Variants in NKAIN3 observed in about 807,000 individuals in gnomAD.
NKAIN3 encodes sodium/potassium transporting ATPase interacting 3.
NKAIN3 carries 25 observed loss-of-function variants against 30.2 expected under a neutral mutation model. The observed-to-expected ratio is 0.83, with a 90% CI of 0.60 to 1.16. The LOEUF (loss-of-function observed/expected upper bound fraction) is 1.16. Ranked by LOEUF, NKAIN3 falls within the 50% of genes most tolerant of loss-of-function variation. The pLI is 0.00. For synonymous variants in NKAIN3, 91 were observed against 89.6 expected (o/e 1.02, Z -0.09); for missense variants, 225 against 254.1 (o/e 0.89, Z 0.78).
At chr8:62,703,439 C>T (rs1428868684) in intron 3 of NKAIN3, among the ~76,000 whole-genome samples, 2 of 152,170 alleles carry the variant, frequency 1.3e-5, no homozygotes, top group Non-Finnish European at 2.9e-5. Context: ...CAACTCCCCA[C>T]AAATTGCCTA....
rs528625385 is a variant in NKAIN3, at chr8:62,339,833, TAAAG to T, written c.54+90710_54+90713del. Among the ~76,000 whole-genome samples the T allele has an allele frequency of 1.8e-3, 278 of 152,066 alleles. 1 individual carries two copies. The highest frequency in any genetic ancestry group is 6.5e-3 in the African/African-American group (268 of 41,538). ...AATGTAAGAACGGTGGGCTGATTGT[TAAAG>T]AAAAAAAATCTAACATTTGCTGAAA... On this transcript the variant is annotated intron_variant, in intron 1 of 6. Coordinates refer to ENST00000623646, the MANE Select transcript of NKAIN3 (RefSeq NM_001304533.3).
At chr8:62,930,325 C>T (rs1822580194) in intron 5 of NKAIN3, among the ~76,000 whole-genome samples, 1 of 152,122 alleles carries the variant, frequency 6.6e-6, no homozygotes, top group South Asian at 2.1e-4. Flanking sequence ...GCGATCTTAG[C>T]TCACTGCAAC....
chr8:62,998,447 G>T lies in NKAIN3; in HGVS notation c.533-784G>T, dbSNP rs944106056. On this transcript the variant is annotated intron_variant, in intron 5 of 5. Coordinates refer to the NKAIN3 transcript ENST00000519049. Reference sequence around the variant, plus strand: ...TTCACCACCACACCAGCTAATTTTTGTATTTTTAGTAGAGACGGGGTTTCA... The same window carrying T: ...TTCACCACCACACCAGCTAATTTTTTTATTTTTAGTAGAGACGGGGTTTCA... 3.3e-5 allele frequency among the ~76,000 whole-genome samples: 5 copies of T among 152,038 alleles called. No individual in the cohort carries two copies. In the South Asian group the frequency reaches 8.3e-4, roughly 25 times the overall value.
chr8:62,536,738 T>A (rs557293894), intron 1 of NKAIN3, among the ~76,000 whole-genome samples: 1 of 152,302 alleles, frequency 6.6e-6, no homozygotes, highest in African/African-American at 2.4e-5. Flanking sequence ...CAGTTAGAGT[T>A]CAGATGGGTT....
intron 1 of NKAIN3, among the ~76,000 whole-genome samples, chr8:62,259,516 A>G (rs1182595880): frequency 2.0e-5 from 3 of 152,222 alleles, no homozygotes; most frequent in African/African-American, 4.8e-5. Flanking sequence ...TACTTCATCA[A>G]TGATTAGTAT....
intron 3 of NKAIN3, among the ~76,000 whole-genome samples, chr8:62,657,889 C>T (rs999542743): frequency 6.6e-6 from 1 of 152,194 alleles, no homozygotes; most frequent in African/African-American, 2.4e-5. Flanking sequence ...AACTACCTGT[C>T]CTGTCCTTCA....
intron 1 of NKAIN3, among the ~76,000 whole-genome samples, chr8:62,390,177 C>A (rs79564341): frequency 6.6e-6 from 1 of 151,890 alleles, no homozygotes; most frequent in African/African-American, 2.4e-5. Context: ...GTTATTCTTC[C>A]TGATCCCTTC....
At chr8:62,797,708 T>A (rs757282929) in intron 4 of NKAIN3, among the ~76,000 whole-genome samples, 7 of 152,176 alleles carry the variant, frequency 4.6e-5, no homozygotes, top group Non-Finnish European at 7.3e-5. Context: ...CTAAATTGTA[T>A]GCCCCAGAAA....
intron 5 of NKAIN3, among the ~76,000 whole-genome samples, chr8:62,942,859 T>G (rs1457830547): frequency 6.6e-6 from 1 of 152,048 alleles, no homozygotes; most frequent in Non-Finnish European, 1.5e-5. Context: ...TCCTCATCTT[T>G]CGCCTTATAT....
At chr8:62,559,845 A>G (rs1809514662) in intron 1 of NKAIN3, among the ~76,000 whole-genome samples, 1 of 152,076 alleles carries the variant, frequency 6.6e-6, no homozygotes, top group Non-Finnish European at 1.5e-5. Context: ...ATTTACCCAT[A>G]TCTGTAATTC....
At chr8:62,324,268 A>G (rs1815040928) in intron 1 of NKAIN3, among the ~76,000 whole-genome samples, 1 of 152,168 alleles carries the variant, frequency 6.6e-6, no homozygotes, top group Non-Finnish European at 1.5e-5. Flanking sequence ...CTGTAAATGT[A>G]AAACTTATTT....
At chr8:62,490,616 G>T (rs569444770) in intron 1 of NKAIN3, among the ~76,000 whole-genome samples, 2 of 152,212 alleles carry the variant, frequency 1.3e-5, no homozygotes, top group East Asian at 3.9e-4. Flanking sequence ...AGAAATGCAG[G>T]AATATATGTT....
chr8:62,249,250 G>A (rs988740651), intron 1 of NKAIN3, 123 bp downstream of exon 1: 67 of 800,816 alleles, frequency 8.4e-5, no homozygotes, highest in Non-Finnish European at 1.1e-4. Context: ...CGCTCCGCCC[G>A]CCTCCCACCC....
intron 1 of NKAIN3, among the ~76,000 whole-genome samples, chr8:62,554,044 C>G (rs943879035): frequency 1.3e-5 from 2 of 152,064 alleles, no homozygotes; most frequent in Admixed American, 6.5e-5. Context: ...TAGTAGTTTC[C>G]TAATAAAGCA....
chr8:62,647,087 G>A (rs1291272667), intron 3 of NKAIN3, among the ~76,000 whole-genome samples: 1 of 152,080 alleles, frequency 6.6e-6, no homozygotes. Flanking sequence ...GAAGACAAAC[G>A]TTGAGATTCA....
rs182783850 is a variant in NKAIN3 at position 62,644,134 on chromosome 8, C to A, written c.273+54340C>A. Among the ~76,000 whole-genome samples, 302 of 152,192 alleles carry A rather than the reference C, an allele frequency of 2.0e-3. 1 individual carries two copies. Among genetic ancestry groups the A allele is most frequent in the African/African-American group, 6.7e-3 (279 of 41,540 alleles). On this transcript the variant is annotated intron_variant, in intron 3 of 6. Transcript: ENST00000623646. ...GCTGCTGGGGTCCCTTGACTTCATG[C>A]CATTGCTCCATGTGGTTCTTTCTGG...
chr8:62,724,494 TATTTTGGTAACCATTTACC>T (rs1815194128), intron 3 of NKAIN3, among the ~76,000 whole-genome samples: 2 of 152,110 alleles, frequency 1.3e-5, no homozygotes, highest in Non-Finnish European at 2.9e-5. Context: ...TATCTAACTA[TATTTTGGTAACCATTTACC>T]ATCCCCACTA....
At chr8:62,320,376 T>A (rs1814833383) in intron 1 of NKAIN3, among the ~76,000 whole-genome samples, 1 of 152,184 alleles carries the variant, frequency 6.6e-6, no homozygotes, top group African/African-American at 2.4e-5. Flanking sequence ...CCTGTCATTA[T>A]GATGTTAGCT....
intron 1 of NKAIN3, among the ~76,000 whole-genome samples, chr8:62,527,882 GGT>G (rs68020312): frequency 0.096 from 13,719 of 143,594 alleles, 655 homozygotes; most frequent in Middle Eastern, 0.15. Flanking sequence ...ACTTTTTTTT[GGT>G]GTGTGTGTGT....
Sources: gnomAD v4.1 joint callset for allele counts (sites outside exome capture counted in the v4.1 genomes callset) on GRCh38, gnomAD v4.1.1 for gene constraint, MANE v1.5 for transcripts, NCBI Gene and HGNC (gene_info 2026-07-23, HGNC 2026-07-21) for gene names.